ABCC1: variants seen among roughly 807,000 people sequenced by gnomAD.
ABCC1 encodes the protein multidrug resistance-associated protein 1.
In ABCC1, 83 loss-of-function variants were observed where a neutral mutation model predicts 172.9. The observed-to-expected ratio is 0.48, with a 90% CI of 0.40 to 0.58. The LOEUF (loss-of-function observed/expected upper bound fraction) is 0.58. Ranked by LOEUF, ABCC1 falls within the 20% of genes least tolerant of loss-of-function variation. The pLI, the probability that ABCC1 is intolerant of heterozygous loss-of-function variation, is 0.00. For missense variants in ABCC1, 1,817 were observed against 2,002.7 expected (o/e 0.91, Z 1.77); for synonymous variants, 937 against 825.2 (o/e 1.14, Z -2.32).
intron 1 of ABCC1, among the ~76,000 whole-genome samples, chr16:15,988,271 G>C (rs246220): frequency 0.78 from 119,087 of 152,072 alleles, 47,474 homozygotes; most frequent in Non-Finnish European, 0.87. Flanking sequence ...TTCTCTGAGT[G>C]CTTTTCATCA....
In ABCC1 at chr16:16,131,845, A is replaced by G. The variant is rs764083412; in HGVS notation, c.3876A>G (p.Arg1292=). 10 of 1,614,020 alleles carry G rather than the reference A, an allele frequency of 6.2e-6. No individual in the cohort carries two copies. In the South Asian group the frequency reaches 9.9e-5, roughly 16 times the overall value. Residue 1292 remains arginine (R), a synonymous_variant, in exon 27 of 31, where the codon CGA becomes CGG. Transcript: ENST00000399410. ...APPSSWPQVG[R]VEFRNYCLRY... ...CCAGCAGCTGGCCCCAGGTGGGCCG[A>G]GTGGAATTCCGGAACTACTGCCTGC... is the stretch of plus-strand genomic sequence containing the variant.
chr16:16,074,618 G>T (rs374106566), intron 14 of ABCC1, among the ~76,000 whole-genome samples: 2 of 152,148 alleles, frequency 1.3e-5, no homozygotes, highest in African/African-American at 2.4e-5. Flanking sequence ...TGTTTAGCAC[G>T]CTCTAGCCAG....
chr16:16,125,677 A>G, intron 25 of ABCC1, 133 bp from the exon 26 acceptor site: 1 of 629,262 alleles, frequency 1.6e-6, no homozygotes, highest in Non-Finnish European at 2.7e-6. Context: ...AGGTGATCTG[A>G]CCGCCTCAGC....
At chr16:16,110,529 A>G (rs9931103) in intron 21 of ABCC1, among the ~76,000 whole-genome samples, 49,744 of 151,878 alleles carry the variant, frequency 0.33, 8,535 homozygotes, top group African/African-American at 0.41. Flanking sequence ...AGCTGAGATG[A>G]CATGTGCCTA....
chr16:16,138,664 C>G, intron 30 of ABCC1, 106 bp downstream of exon 30: 1 of 811,322 alleles, frequency 1.2e-6, no homozygotes, highest in South Asian at 3.3e-5. Context: ...TCCCTAGTGA[C>G]AGCCCCAGTG....
At chr16:15,995,782 G>A (rs999729960) in intron 1 of ABCC1, among the ~76,000 whole-genome samples, 2 of 151,466 alleles carry the variant, frequency 1.3e-5, no homozygotes, top group Non-Finnish European at 2.9e-5. Context: ...ATCCTCCTTC[G>A]TCAGCCTCTG....
intron 24 of ABCC1, among the ~76,000 whole-genome samples, chr16:16,122,500 C>T (rs575879293): frequency 2.6e-4 from 39 of 152,190 alleles, no homozygotes; most frequent in African/African-American, 8.7e-4. Context: ...ATCTTCATAC[C>T]GCTGTTCCCG....
chr16:16,007,523 CT>C (rs2047589786), intron 1 of ABCC1, among the ~76,000 whole-genome samples: 1 of 152,138 alleles, frequency 6.6e-6, no homozygotes, highest in African/African-American at 2.4e-5. Flanking sequence ...TGCACCTGAC[CT>C]GTATGCTCCT....
intron 19 of ABCC1, chr16:16,094,109 G>A (rs945435411): frequency 8.5e-5 from 14 of 164,456 alleles, no homozygotes; most frequent in Non-Finnish European, 6.6e-5. Flanking sequence ...CTCCCCTTCC[G>A]GTTTAGGAAC....
chr16:16,080,667 TCCAGCCC>T (rs2050771364), intron 16 of ABCC1, among the ~76,000 whole-genome samples: 1 of 152,172 alleles, frequency 6.6e-6, no homozygotes, highest in African/African-American at 2.4e-5. Context: ...TAATGCATAC[TCCAGCCC>T]CCTCCCTCTT....
chr16:16,071,795 T>G (rs537103301), intron 14 of ABCC1, 66 bp downstream of exon 14: 6 of 1,409,714 alleles, frequency 4.3e-6, no homozygotes, highest in East Asian at 4.8e-5. Context: ...GGGTCCTCCC[T>G]ACTTGCATTT....
At chr16:16,124,592 C>T (rs886279247) in intron 24 of ABCC1, among the ~76,000 whole-genome samples, 197 bp from the exon 25 acceptor site, 1 of 152,180 alleles carries the variant, frequency 6.6e-6, no homozygotes, top group Non-Finnish European at 1.5e-5. Context: ...GATTTACTGG[C>T]CTCGTGCCTT....
At position 16,142,771 on chromosome 16, in the gene ABCC1, A is replaced by T. The variant is rs913163449; in HGVS notation, c.*1490A>T. On this transcript the variant is annotated 3_prime_UTR_variant, in exon 31 of 31. Coordinates refer to ENST00000399410, the MANE Select transcript of ABCC1 (RefSeq NM_004996.4). ...TGTTCCTGGAAGAAAACAGGGAAGC[A>T]GCATCTTTTAAAGCCTGTTCTTTAA... is the stretch of plus-strand genomic sequence containing the variant. 1 of 152,448 alleles carries T rather than the reference A, an allele frequency of 6.6e-6. No individual in the cohort carries two copies. Among genetic ancestry groups the T allele is most frequent in the African/African-American group, 2.4e-5 (1 of 41,456 alleles). 9.4% of individuals were successfully genotyped at this position (152,448 alleles called of 1,614,324 possible).
rs371775317 is a variant in ABCC1 at position 16,124,852 on chromosome 16, G to A, written c.3654G>A (p.Ala1218=). 560 of 1,614,172 alleles carry A rather than the reference G, an allele frequency of 3.5e-4. 3 individuals carry two copies. In the South Asian group the frequency reaches 5.5e-3, roughly 16 times the overall value. The stretch of plus-strand genomic sequence containing the variant: ...TCGTTCTGTTTGCTGCCCTGTTTGC[G>A]GTGATCTCCAGGCACAGCCTCAGTG... The part of the protein sequence containing the change: ...NCIVLFAALF[A]VISRHSLSAG... Residue 1218 remains alanine (A), a synonymous_variant, in exon 25 of 31, where the codon GCG becomes GCA. Coordinates refer to ENST00000399410, the MANE Select transcript of ABCC1 (RefSeq NM_004996.4).
rs781777283 is a variant in ABCC1 at position 16,131,880 on chromosome 16, A to C, written c.3911A>C (p.Glu1304Ala). 6.2e-7 allele frequency: 1 copy of C among 1,614,136 alleles called. No homozygotes were observed. The highest frequency in any genetic ancestry group is 1.1e-5 in the South Asian group (1 of 91,068). ...EFRNYCLRYR[E>A]DLDFVLRHIN... is the part of the protein sequence containing the mutation. ...CGGAACTACTGCCTGCGCTACCGAGAGGACCTGGACTTCGTTCTCAGGCAC... is the reference window on the plus strand; with the variant it reads ...CGGAACTACTGCCTGCGCTACCGAGCGGACCTGGACTTCGTTCTCAGGCAC... Residue 1304 changes from glutamate to alanine, a missense_variant, in exon 27 of 31, where the codon GAG becomes GCG. Physicochemically the swap from Glu to Ala is moderately radical, Grantham distance 107. Coordinates refer to ENST00000399410, the MANE Select transcript of ABCC1 (RefSeq NM_004996.4).
intron 9 of ABCC1, among the ~76,000 whole-genome samples, chr16:16,047,748 T>A (rs1453383945): frequency 6.6e-6 from 1 of 151,974 alleles, no homozygotes; most frequent in African/African-American, 2.4e-5. Context: ...CCAGTAGCAC[T>A]GACACAGCCT....
At chr16:16,053,297 A>C (rs1034951248) in intron 11 of ABCC1, among the ~76,000 whole-genome samples, 1 of 152,030 alleles carries the variant, frequency 6.6e-6, no homozygotes. Flanking sequence ...AAAATAATTA[A>C]TTTCTAAAAT....
At chr16:16,061,087 C>T (rs1209591763) in intron 12 of ABCC1, among the ~76,000 whole-genome samples, 3 of 151,528 alleles carry the variant, frequency 2.0e-5, no homozygotes, top group Admixed American at 2.0e-4. Context: ...CCATGCCAAG[C>T]CAATTTTTTG....
chr16:16,089,977 G>A (rs2051175734), intron 18 of ABCC1, among the ~76,000 whole-genome samples: 1 of 151,062 alleles, frequency 6.6e-6, no homozygotes, highest in African/African-American at 2.4e-5. Context: ...CCTACCTCTT[G>A]TCATTCAGGT....
Sources: gnomAD v4.1 joint callset for allele counts (sites outside exome capture counted in the v4.1 genomes callset) on GRCh38, gnomAD v4.1.1 for gene constraint, MANE v1.5 for transcripts, NCBI Gene and HGNC (gene_info 2026-07-23, HGNC 2026-07-21) for gene names.